TMEM192: variants seen among roughly 807,000 people sequenced by gnomAD.
TMEM192 encodes the protein transmembrane protein 192.
A neutral mutation model predicts 26.7 loss-of-function variants in TMEM192; 20 were observed. The observed-to-expected ratio is 0.75, with a 90% CI of 0.53 to 1.09. The LOEUF (loss-of-function observed/expected upper bound fraction) is 1.09, where lower values mean the gene tolerates loss of function less well. TMEM192 is among the 50% of genes least tolerant of loss of function. TMEM192 has a pLI of 0.00. For synonymous variants in TMEM192, 124 were observed against 121.0 expected (o/e 1.02, Z -0.16); for missense variants, 304 against 322.6 (o/e 0.94, Z 0.44).
chr4:165,112,252 C>A (rs147731615), intron 1 of TMEM192, among the ~76,000 whole-genome samples: 1 of 152,176 alleles, frequency 6.6e-6, no homozygotes, highest in African/African-American at 2.4e-5. Flanking sequence ...CCGGCCCGAG[C>A]GTCGTTGTCA....
intron 1 of TMEM192, among the ~76,000 whole-genome samples, chr4:165,107,910 G>A (rs1735205134): frequency 6.6e-6 from 1 of 152,022 alleles, no homozygotes; most frequent in East Asian, 1.9e-4. Flanking sequence ...ATGTCTCTAT[G>A]TAACTTCTAA....
At chr4:165,098,281 C>A (rs1056088751) in intron 3 of TMEM192, among the ~76,000 whole-genome samples, 17 of 151,782 alleles carry the variant, frequency 1.1e-4, no homozygotes, top group Admixed American at 1.1e-3. Context: ...CCCGCCACCA[C>A]GTTCAGCTAA....
At position 165,079,601 on chromosome 4, in the gene TMEM192, C is replaced by T; in HGVS notation, c.*57G>A. On this transcript the variant is annotated 3_prime_UTR_variant, in exon 6 of 6. Coordinates refer to ENST00000306480, the MANE Select transcript of TMEM192 (RefSeq NM_001100389.2). Reference sequence around the variant, plus strand: ...TCCCCGTGGCAGCTTGTCAGGTGGTCAGTCAGTCTCAATTACTCTGGGTTC... The same window carrying T: ...TCCCCGTGGCAGCTTGTCAGGTGGTTAGTCAGTCTCAATTACTCTGGGTTC... 7.8e-6 allele frequency: 12 copies of T among 1,528,826 alleles called. No homozygotes were observed. The highest frequency in any genetic ancestry group is 8.8e-6 in the Non-Finnish European group (10 of 1,133,508). The allele number at this position is 1,528,826 out of a possible 1,614,324, so 94.7% of individuals were successfully genotyped here. A position where few individuals can be genotyped will look rare whatever the true frequency, so the allele number is the denominator to read the frequency against.
chr4:165,106,925 A>G (rs1316783354), intron 1 of TMEM192, among the ~76,000 whole-genome samples: 2 of 152,184 alleles, frequency 1.3e-5, no homozygotes, highest in East Asian at 3.9e-4. Flanking sequence ...CCTCTGGATA[A>G]TCCTAATACG....
Position 165,099,102 on chromosome 4 carries a change from C to CTTTT in TMEM192, c.439+1522_439+1525dup, listed in dbSNP as rs1160535314. ...TTATTTACTACAACTTTTTTTCTTTCTTTTTTTTTTTTTTTTTTTTGAGAT... is the reference window on the plus strand; with the variant it reads ...TTATTTACTACAACTTTTTTTCTTTCTTTTTTTTTTTTTTTTTTTTTTTTGAGAT... On this transcript the variant is annotated intron_variant, in intron 3 of 5. Coordinates refer to ENST00000306480, the MANE Select transcript of TMEM192 (RefSeq NM_001100389.2). Among the ~76,000 whole-genome samples, 404 of 126,082 alleles carry CTTTT rather than the reference C, an allele frequency of 3.2e-3. 2 individuals are homozygous for CTTTT. Among genetic ancestry groups the CTTTT allele is most frequent in the African/African-American group, 5.8e-3 (189 of 32,446 alleles). The allele number at this position is 126,082 out of a possible 152,430, so 82.7% of individuals were successfully genotyped here.
At chr4:165,111,335 C>T (rs551713787) in intron 1 of TMEM192, among the ~76,000 whole-genome samples, 2 of 152,316 alleles carry the variant, frequency 1.3e-5, no homozygotes, top group South Asian at 4.1e-4. Flanking sequence ...CTCAGGTTAT[C>T]TGCCTGCCTC....
At chr4:165,092,202 A>C (rs1271070093) in intron 3 of TMEM192, among the ~76,000 whole-genome samples, 6 of 139,734 alleles carry the variant, frequency 4.3e-5, no homozygotes, top group African/African-American at 1.7e-4. Context: ...GCTCACTGCA[A>C]CCTCTGCCTC....
intron 5 of TMEM192, among the ~76,000 whole-genome samples, chr4:165,085,231 C>A (rs1412380997): frequency 6.7e-6 from 1 of 148,262 alleles, no homozygotes; most frequent in Non-Finnish European, 1.5e-5. Context: ...CAAGATCATG[C>A]CACTGCACTC....
rs534966520 is a variant in TMEM192, at chr4:165,073,431, G to T, written c.*6227C>A. 9.2e-5 allele frequency: 14 copies of T among 152,304 alleles called. No homozygotes were observed. Among genetic ancestry groups the T allele is most frequent in the African/African-American group, 3.4e-4 (14 of 41,562 alleles). The allele number at this position is 152,304 out of a possible 1,614,324, so 9.4% of individuals were successfully genotyped here. A position where few individuals can be genotyped will look rare whatever the true frequency, so the allele number is the denominator to read the frequency against. ...GGGACACAATGCACTGCGGAAAGCC[G>T]CAGGGACCTCTGCCCAAGAAAGCCT... On this transcript the variant is annotated 3_prime_UTR_variant, in exon 6 of 6. Transcript: ENST00000306480.
intron 1 of TMEM192, among the ~76,000 whole-genome samples, chr4:165,107,658 C>T (rs375834090): frequency 1.3e-5 from 2 of 152,158 alleles, no homozygotes; most frequent in East Asian, 3.9e-4. Context: ...ATTTGCCTCT[C>T]ACCATTTCCC....
chr4:165,094,912 T>C (rs1430503188), intron 3 of TMEM192, among the ~76,000 whole-genome samples: 2 of 151,706 alleles, frequency 1.3e-5, no homozygotes, highest in Non-Finnish European at 2.9e-5. Flanking sequence ...AGGTGGAGGT[T>C]GCAGTGAGCC....
In TMEM192 at chr4:165,079,598, G is replaced by A; in HGVS notation, c.*60C>T. The A allele has an allele frequency of 6.6e-7, 1 of 1,524,696 alleles. No homozygotes were observed. The highest frequency in any genetic ancestry group is 8.8e-7 in the Non-Finnish European group (1 of 1,130,524). 94.4% of individuals were successfully genotyped at this position (1,524,696 alleles called of 1,614,324 possible). A position where few individuals can be genotyped will look rare whatever the true frequency, so the allele number is the denominator to read the frequency against. ...AGTTCCCCGTGGCAGCTTGTCAGGT[G>A]GTCAGTCAGTCTCAATTACTCTGGG... On this transcript the variant is annotated 3_prime_UTR_variant, in exon 6 of 6. Coordinates refer to ENST00000306480, the MANE Select transcript of TMEM192 (RefSeq NM_001100389.2).
At chr4:165,102,889 C>T in intron 2 of TMEM192, 61 bp downstream of exon 2, 1 of 1,435,650 alleles carries the variant, frequency 7.0e-7, no homozygotes, top group Non-Finnish European at 9.3e-7. Flanking sequence ...CCCTCTGAAA[C>T]ACTTATATAA....
chr4:165,087,667 C>T (rs552931122), intron 4 of TMEM192, among the ~76,000 whole-genome samples: 3 of 152,034 alleles, frequency 2.0e-5, no homozygotes, highest in South Asian at 2.1e-4. Context: ...GGGCTGGGTG[C>T]GGTGGGTCAT....
At chr4:165,088,344 T>G (rs911386959) in intron 4 of TMEM192, 124 bp downstream of exon 4, 9 of 808,124 alleles carry the variant, frequency 1.1e-5, no homozygotes, top group African/African-American at 8.8e-5. Flanking sequence ...ATTAAAGAAG[T>G]CTGCATGTGG....
chr4:165,112,810 G>T lies in TMEM192; in HGVS notation c.-37C>A. 1 of 1,601,038 alleles carries T rather than the reference G, an allele frequency of 6.2e-7. No individual in the cohort carries two copies. Among genetic ancestry groups the T allele is most frequent in the Admixed American group, 1.7e-5 (1 of 59,616 alleles). ...GGAGGCCGAAGCCCTGGCCAGCCCG[G>T]CCTCTCCACCTGGACCTGTAAGCCT... On this transcript the variant is annotated 5_prime_UTR_variant, in exon 1 of 6. Coordinates refer to ENST00000306480, the MANE Select transcript of TMEM192 (RefSeq NM_001100389.2).
chr4:165,091,910 G>A (rs1035094042), intron 3 of TMEM192, among the ~76,000 whole-genome samples: 4 of 152,022 alleles, frequency 2.6e-5, no homozygotes, highest in Non-Finnish European at 4.4e-5. Flanking sequence ...GGACCCACAT[G>A]GTGGGAATCC....
At chr4:165,098,921 C>T (rs1315261467) in intron 3 of TMEM192, among the ~76,000 whole-genome samples, 2 of 151,806 alleles carry the variant, frequency 1.3e-5, no homozygotes, top group Non-Finnish European at 2.9e-5. Flanking sequence ...AGGCTGGTCT[C>T]GAACTCCTGA....
At position 165,103,029 on chromosome 4, in the gene TMEM192, T is replaced by A. The variant is rs200948127; in HGVS notation, c.95A>T (p.His32Leu). The change falls in exon 2 of 6, where the codon CAC (histidine) becomes CTC (leucine). Residue 32 changes from histidine to leucine, a missense_variant. Physicochemically the swap from His to Leu is moderately conservative, Grantham distance 99 (BLOSUM62 -3). Transcript: ENST00000306480. ...PLLDAQLLPH[H>L]SLQAHFRPRF... ...GGGTCTAAAGTGAGCTTGTAATGAGTGGTGTGGGAGAAGCTGGGCATCCAG... is the reference window on the plus strand; with the variant it reads ...GGGTCTAAAGTGAGCTTGTAATGAGAGGTGTGGGAGAAGCTGGGCATCCAG... 498 of 1,613,140 alleles carry A rather than the reference T, an allele frequency of 3.1e-4. No individual in the cohort carries two copies. Among genetic ancestry groups the A allele is most frequent in the Non-Finnish European group, 4.1e-4 (488 of 1,179,698 alleles).
Sources: allele counts gnomAD v4.1 joint callset (sites outside exome capture counted in the v4.1 genomes callset), GRCh38; gene constraint gnomAD v4.1.1; transcripts MANE v1.5; gene names NCBI Gene and HGNC (gene_info 2026-07-23, HGNC 2026-07-21).